Variants in TAMM41 observed in about 807,000 individuals in gnomAD.
The protein encoded by TAMM41 is phosphatidate cytidylyltransferase, mitochondrial.
TAMM41 carries 36 observed loss-of-function variants against 44.1 expected under a neutral mutation model. That is an observed-to-expected ratio of 0.82 (90% CI 0.63 to 1.08). The LOEUF is 1.08. Ranked by LOEUF, TAMM41 falls within the 50% of genes least tolerant of loss-of-function variation. The pLI, the probability that TAMM41 is intolerant of heterozygous loss-of-function variation, is 0.00. For missense variants in TAMM41, 417 were observed against 404.3 expected, an observed-to-expected ratio of 1.03 and a Z score of -0.27; for synonymous variants, 164 against 153.1, an observed-to-expected ratio of 1.07 and a Z score of -0.53.
chr3:11,737,599 T>C, the TAMM41 span, among the ~76,000 whole-genome samples: 3 of 152,148 alleles, frequency 2.0e-5, no homozygotes, highest in African/African-American at 7.2e-5. Context: ...GGATTACAGG[T>C]GTGAGCCACC....
chr3:11,842,690 T>C (rs1391583773), intron 2 of TAMM41, among the ~76,000 whole-genome samples: 1 of 142,896 alleles, frequency 7.0e-6, no homozygotes, highest in African/African-American at 2.5e-5. Flanking sequence ...CCAGACCCTG[T>C]TTCAAAAAAA....
chr3:11,777,065 T>C, the TAMM41 span, among the ~76,000 whole-genome samples: 1 of 152,216 alleles, frequency 6.6e-6, no homozygotes, highest in Non-Finnish European at 1.5e-5. Flanking sequence ...GCATGGTGAC[T>C]ACATTTAAAA....
At chr3:11,807,262 C>A (rs1297816713) in intron 7 of TAMM41, 2 of 1,433,026 alleles carry the variant, frequency 1.4e-6, no homozygotes, top group Non-Finnish European at 1.8e-6. Context: ...TTAGCCAAAA[C>A]CACCAGACAA....
chr3:11,754,709 T>TCTC, the TAMM41 span, among the ~76,000 whole-genome samples: 66 of 33,816 alleles, frequency 2.0e-3, no homozygotes, highest in African/African-American at 7.2e-3. Context: ...CTCAGATCTC[T>TCTC]TTTTTTTTTT....
the TAMM41 span, among the ~76,000 whole-genome samples, chr3:11,737,446 G>C: frequency 6.6e-6 from 1 of 151,802 alleles, no homozygotes; most frequent in Admixed American, 6.6e-5. Flanking sequence ...TCAGCCTCCA[G>C]AGTAGCTGGG....
the TAMM41 span, among the ~76,000 whole-genome samples, chr3:11,756,256 G>T: frequency 6.6e-6 from 1 of 152,216 alleles, no homozygotes; most frequent in East Asian, 1.9e-4. Context: ...GCTACCAAGT[G>T]TCTGGTGGCA....
At chr3:11,816,304 TTTTA>T (rs1451341498) in intron 5 of TAMM41, among the ~76,000 whole-genome samples, 1 of 151,338 alleles carries the variant, frequency 6.6e-6, no homozygotes, top group Non-Finnish European at 1.5e-5. Flanking sequence ...GATAAGAAAG[TTTTA>T]TTTGATATAT....
chr3:11,818,860 T>C (rs1325001550), intron 4 of TAMM41, among the ~76,000 whole-genome samples: 1 of 146,250 alleles, frequency 6.8e-6, no homozygotes. Context: ...ATCGCGCCAC[T>C]GCACTCCAGC....
At chr3:11,805,438 ATTT>A (rs2077879374) in intron 7 of TAMM41, among the ~76,000 whole-genome samples, 1 of 150,700 alleles carries the variant, frequency 6.6e-6, no homozygotes, top group Non-Finnish European at 1.5e-5. Context: ...CATCTGGCCT[ATTT>A]TTGTTATTTT....
intron 4 of TAMM41, 69 bp from the exon 5 acceptor site, chr3:11,817,406 C>A: frequency 1.3e-6 from 2 of 1,496,168 alleles, no homozygotes; most frequent in Non-Finnish European, 1.8e-6. Flanking sequence ...GAACGACGCT[C>A]CCCACACTGA....
the TAMM41 span, among the ~76,000 whole-genome samples, chr3:11,759,889 G>A: frequency 3.3e-5 from 5 of 152,002 alleles, no homozygotes; most frequent in South Asian, 8.3e-4. Context: ...CAGGAGAATC[G>A]CTTGAACCCA....
the TAMM41 span, among the ~76,000 whole-genome samples, chr3:11,739,382 T>C: frequency 4.6e-5 from 7 of 152,068 alleles, no homozygotes; most frequent in Non-Finnish European, 1.0e-4. Flanking sequence ...AATGACTAAG[T>C]TCTGGGCAAT....
the TAMM41 span, among the ~76,000 whole-genome samples, chr3:11,774,424 G>T: frequency 6.6e-6 from 1 of 152,166 alleles, no homozygotes; most frequent in African/African-American, 2.4e-5. Flanking sequence ...GTGACTGAGT[G>T]CCAGAGGGAC....
At chr3:11,746,067 G>A in the TAMM41 span, among the ~76,000 whole-genome samples, 7 of 152,150 alleles carry the variant, frequency 4.6e-5, no homozygotes, top group South Asian at 2.1e-4. Flanking sequence ...TTGGGAGGCC[G>A]AGGCAGGTGG....
Position 11,805,002 on chromosome 3 carries a change from T to C in TAMM41, c.937+2831A>G, listed in dbSNP as rs887857129. 4.7e-3 allele frequency among the ~76,000 whole-genome samples: 634 copies of C among 135,300 alleles called. 4 individuals are homozygous for C. Among genetic ancestry groups the C allele is most frequent in the African/African-American group, 0.017 (599 of 35,574 alleles). 88.8% of individuals were successfully genotyped at this position (135,300 alleles called of 152,430 possible). A position where few individuals can be genotyped will look rare whatever the true frequency, so the allele number is the denominator to read the frequency against. ...CGCACCACCACGCCCAGCCCTTTTT[T>C]TTTTTTTTTTTTTTTTTTTTTTGAG... On this transcript the variant is annotated intron_variant, in intron 7 of 7. Transcript: ENST00000455809.
At chr3:11,740,739 T>C in the TAMM41 span, among the ~76,000 whole-genome samples, 1 of 151,822 alleles carries the variant, frequency 6.6e-6, no homozygotes, top group Non-Finnish European at 1.5e-5. Context: ...CTGATTTTTG[T>C]ATTTTTAGTA....
chr3:11,750,000 T>C, the TAMM41 span, among the ~76,000 whole-genome samples: 8 of 151,898 alleles, frequency 5.3e-5, no homozygotes, highest in African/African-American at 9.7e-5. Context: ...CGGTTCATGT[T>C]ATTCTCCTGC....
At chr3:11,740,239 A>G in the TAMM41 span, among the ~76,000 whole-genome samples, 1 of 152,182 alleles carries the variant, frequency 6.6e-6, no homozygotes, top group Admixed American at 6.5e-5. Flanking sequence ...ATCCCTCAAT[A>G]GTTGCTCACA....
chr3:11,728,397 T>C, the TAMM41 span, among the ~76,000 whole-genome samples: 3 of 152,224 alleles, frequency 2.0e-5, no homozygotes, highest in African/African-American at 7.2e-5. Flanking sequence ...AGAAATATGG[T>C]CACAGATTCA....
Sources: gnomAD v4.1 joint callset for allele counts (sites outside exome capture counted in the v4.1 genomes callset) on GRCh38, gnomAD v4.1.1 for gene constraint, MANE v1.5 for transcripts, NCBI Gene and HGNC (gene_info 2026-07-23, HGNC 2026-07-21) for gene names.